ATP6V1C1: variants seen among roughly 807,000 people sequenced by gnomAD.
ATP6V1C1 encodes ATPase H+ transporting V1 subunit C1, also known as V-type proton ATPase subunit C 1.
ATP6V1C1 carries 45 observed loss-of-function variants against 53.9 expected under a neutral mutation model. The observed-to-expected ratio is 0.83, with a 90% confidence interval of 0.66 to 1.07. ATP6V1C1 has a LOEUF of 1.07. Among genes scored for constraint, ATP6V1C1 ranks in the 50% least tolerant of loss-of-function variants. ATP6V1C1 has a pLI of 0.00. For missense variants in ATP6V1C1, 315 were observed against 440.3 expected, an observed-to-expected ratio of 0.72 and a Z score of 2.55; for synonymous variants, 153 against 155.2, an observed-to-expected ratio of 0.99 and a Z score of 0.11.
intron 1 of ATP6V1C1, among the ~76,000 whole-genome samples, chr8:103,031,326 A>G (rs1249210920): frequency 6.6e-6 from 1 of 152,178 alleles, no homozygotes; most frequent in Non-Finnish European, 1.5e-5. Flanking sequence ...CCATAAAGGA[A>G]TCTGTGAGAC....
chr8:103,064,557 C>T lies in ATP6V1C1; in HGVS notation c.829-157C>T. On this transcript the variant is annotated intron_variant, in intron 10 of 12. Transcript: ENST00000518738. ...TTTAATCTAATTTAAGATAAGGTAT[C>T]TGAGATAATGAGAATAATAGTGAAA... 3 of 565,602 alleles carry T rather than the reference C, an allele frequency of 5.3e-6. No individual in the cohort carries two copies. The South Asian group carries it at 8.1e-5, about 15-fold the overall frequency. 35.0% of individuals were successfully genotyped at this position (565,602 alleles called of 1,614,324 possible).
Position 103,068,639 on chromosome 8 carries a change from GT to G in ATP6V1C1, c.1054-7del. On this transcript the variant is annotated splice_polypyrimidine_tract_variant and intron_variant, in intron 12 of 12. Transcript: ENST00000518738. ...TAAATACAAAATTGAATAATTGTCTGTTTTTTCCATAGGCTCCTATGGATAT... is the reference window on the plus strand; with the variant it reads ...TAAATACAAAATTGAATAATTGTCTGTTTTTCCATAGGCTCCTATGGATAT... 1 of 1,567,226 alleles carries G rather than the reference GT, an allele frequency of 6.4e-7. No individual in the cohort carries two copies. Among genetic ancestry groups the G allele is most frequent in the Admixed American group, 1.9e-5 (1 of 52,870 alleles).
At chr8:103,048,261 T>TC (rs1774478510) in intron 3 of ATP6V1C1, among the ~76,000 whole-genome samples, 1 of 152,140 alleles carries the variant, frequency 6.6e-6, no homozygotes, top group South Asian at 2.1e-4. Flanking sequence ...GCCATTTTTT[T>TC]CCCCCCTAAA....
chr8:103,059,201 C>CT (rs1213201989), intron 8 of ATP6V1C1, among the ~76,000 whole-genome samples: 1 of 152,142 alleles, frequency 6.6e-6, no homozygotes, highest in Non-Finnish European at 1.5e-5. Flanking sequence ...AGAAGTTTCT[C>CT]TATGTTTCAG....
chr8:103,052,617 C>T (rs1817219884), intron 5 of ATP6V1C1, 114 bp from the exon 6 acceptor site: 2 of 470,582 alleles, frequency 4.3e-6, no homozygotes, highest in East Asian at 6.8e-5. Context: ...AATATTCTTA[C>T]ACTAGAAACT....
chr8:103,070,884 G>T lies in ATP6V1C1; in HGVS notation c.*2137G>T, dbSNP rs1362326768. 1 of 152,238 alleles carries T rather than the reference G, an allele frequency of 6.6e-6. No homozygotes were observed. The highest frequency in any genetic ancestry group is 1.5e-5 in the Non-Finnish European group (1 of 68,072). 9.4% of individuals were successfully genotyped at this position (152,238 alleles called of 1,614,324 possible). On this transcript the variant is annotated 3_prime_UTR_variant, in exon 13 of 13. Transcript: ENST00000518738. The stretch of plus-strand genomic sequence containing the variant: ...TTCCAGTCCCTCCTCTGTAAAATGG[G>T]CATGATTAGAGTGCCCACCGCATTA...
chr8:103,026,937 T>A (rs1051742765), intron 1 of ATP6V1C1, among the ~76,000 whole-genome samples: 1 of 152,242 alleles, frequency 6.6e-6, no homozygotes, highest in Non-Finnish European at 1.5e-5. Flanking sequence ...CAAGTTGTAT[T>A]ATGAGCAAGC....
At chr8:103,038,196 C>A (rs949439377) in intron 1 of ATP6V1C1, among the ~76,000 whole-genome samples, 2 of 152,134 alleles carry the variant, frequency 1.3e-5, no homozygotes, top group Non-Finnish European at 2.9e-5. Flanking sequence ...CTGGAGGGCT[C>A]AAAATGGCCT....
At chr8:103,031,305 C>T (rs1356952295) in intron 1 of ATP6V1C1, among the ~76,000 whole-genome samples, 1 of 152,118 alleles carries the variant, frequency 6.6e-6, no homozygotes, top group Non-Finnish European at 1.5e-5. Flanking sequence ...CTGTGTTAGT[C>T]TTATTTGTTG....
chr8:103,048,272 G>A (rs956095861), intron 3 of ATP6V1C1, among the ~76,000 whole-genome samples: 3 of 152,146 alleles, frequency 2.0e-5, no homozygotes, highest in African/African-American at 7.2e-5. Flanking sequence ...CCCCCCTAAA[G>A]TAATGGCCAG....
intron 2 of ATP6V1C1, 52 bp from the exon 3 acceptor site, chr8:103,042,285 GTTT>G: frequency 8.8e-7 from 1 of 1,132,586 alleles, no homozygotes; most frequent in Non-Finnish European, 1.2e-6. Flanking sequence ...GAATCATCTT[GTTT>G]TTTTTTTTTA....
intron 1 of ATP6V1C1, 152 bp downstream of exon 1, chr8:103,021,377 G>C (rs1816583205): frequency 6.6e-6 from 1 of 152,586 alleles, no homozygotes; most frequent in Non-Finnish European, 1.5e-5. Flanking sequence ...CTGGTTTCTC[G>C]GCGCCAATTC....
intron 2 of ATP6V1C1, among the ~76,000 whole-genome samples, 162 bp from the exon 3 acceptor site, chr8:103,042,178 A>G (rs1817012620): frequency 6.6e-6 from 1 of 152,248 alleles, no homozygotes; most frequent in Non-Finnish European, 1.5e-5. Context: ...ACATATAAAT[A>G]GCTTTGAAAT....
chr8:103,026,574 G>C (rs1283224743), intron 1 of ATP6V1C1, among the ~76,000 whole-genome samples: 1 of 152,170 alleles, frequency 6.6e-6, no homozygotes, highest in East Asian at 1.9e-4. Flanking sequence ...GGGAAGCGGA[G>C]GCAAAGGGCG....
chr8:103,043,426 A>G (rs919695789), intron 3 of ATP6V1C1, among the ~76,000 whole-genome samples: 8 of 151,696 alleles, frequency 5.3e-5, no homozygotes, highest in Admixed American at 3.9e-4. Flanking sequence ...GGGTTCAAGC[A>G]ATTCTCCTCC....
intron 1 of ATP6V1C1, among the ~76,000 whole-genome samples, chr8:103,028,447 C>T (rs1324533488): frequency 6.6e-6 from 1 of 152,168 alleles, no homozygotes; most frequent in Non-Finnish European, 1.5e-5. Context: ...TGTCCATAGC[C>T]TTCAAGAGTA....
At chr8:103,055,959 C>T (rs1282075470) in intron 8 of ATP6V1C1, 23 bp downstream of exon 8, 3 of 1,598,988 alleles carry the variant, frequency 1.9e-6, no homozygotes, top group Non-Finnish European at 2.6e-6. Flanking sequence ...CTTTGTAAAA[C>T]CATTTGTTTC....
chr8:103,048,745 A>T, intron 3 of ATP6V1C1, 125 bp from the exon 4 acceptor site: 2 of 726,454 alleles, frequency 2.8e-6, no homozygotes, highest in Non-Finnish European at 4.5e-6. Context: ...TTTATTGTGT[A>T]TTATATGGAT....
rs1817590657 is a variant in ATP6V1C1, at chr8:103,071,736, G to GC, written c.*2994dup. 6.5e-6 allele frequency: 1 copy of GC among 154,146 alleles called. No homozygotes were observed. Among genetic ancestry groups the GC allele is most frequent in the African/African-American group, 2.4e-5 (1 of 41,460 alleles). 9.5% of individuals were successfully genotyped at this position (154,146 alleles called of 1,614,324 possible). On this transcript the variant is annotated 3_prime_UTR_variant, in exon 13 of 13. Transcript: ENST00000518738. Reference sequence around the variant, plus strand: ...GGGCTCAAGCAATCCTCCCACCTCAGCCCCCAAGTAGCTGGGCCTACAGGT... The same window carrying GC: ...GGGCTCAAGCAATCCTCCCACCTCAGCCCCCCAAGTAGCTGGGCCTACAGGT...
Sources: gnomAD v4.1 joint callset for allele counts (sites outside exome capture counted in the v4.1 genomes callset) on GRCh38, gnomAD v4.1.1 for gene constraint, MANE v1.5 for transcripts, NCBI Gene and HGNC (gene_info 2026-07-23, HGNC 2026-07-21) for gene names.